The following RSPRY1 variants were observed in gnomAD, a reference collection of about 807,000 sequenced individuals.
RSPRY1 encodes RING finger and SPRY domain-containing protein 1.
RSPRY1 carries 23 observed loss-of-function variants against 73.1 expected under a neutral mutation model. The observed-to-expected ratio is 0.31, with a 90% CI of 0.23 to 0.45. The LOEUF is 0.45. Among genes scored for constraint, RSPRY1 ranks in the 20% least tolerant of loss-of-function variants. The pLI is 1.00. For missense variants in RSPRY1, 448 were observed against 698.7 expected (o/e 0.64, Z 4.05); for synonymous variants, 226 against 251.4 (o/e 0.90, Z 0.95).
chr16:57,232,657 T>A (rs1274944292), intron 13 of RSPRY1, among the ~76,000 whole-genome samples: 4 of 152,212 alleles, frequency 2.6e-5, no homozygotes, highest in African/African-American at 7.2e-5. Flanking sequence ...CTGGACATAG[T>A]TAAAATGCTT....
chr16:57,233,532 G>C (rs1449747655), intron 13 of RSPRY1, among the ~76,000 whole-genome samples: 1 of 152,050 alleles, frequency 6.6e-6, no homozygotes, highest in African/African-American at 2.4e-5. Flanking sequence ...AACACACCCA[G>C]CTAATTTTTG....
At chr16:57,196,048 T>TAC (rs2074441135) in intron 1 of RSPRY1, among the ~76,000 whole-genome samples, 1 of 148,386 alleles carries the variant, frequency 6.7e-6, no homozygotes, top group Non-Finnish European at 1.5e-5. Context: ...TATATATATA[T>TAC]ATATAGGTAT....
In RSPRY1 at chr16:57,238,903, G is replaced by A; in HGVS notation, c.1659G>A (p.Leu553=). Residue 553 remains leucine (L), a synonymous_variant, in exon 15 of 15, where the codon TTG becomes TTA. Transcript: ENST00000394420. The stretch of plus-strand genomic sequence containing the variant: ...GTGACCTGTGCATGGATTGTGCCTT[G>A]CAGCTGGAGACCTGCCCATTGTGTC... ...GHSDLCMDCA[L]QLETCPLCRK... 1.9e-6 allele frequency: 3 copies of A among 1,607,278 alleles called. No homozygotes were observed. The highest frequency in any genetic ancestry group is 1.3e-5 in the African/African-American group (1 of 74,664).
Position 57,221,368 on chromosome 16 carries a change from G to A in RSPRY1, c.1114G>A (p.Val372Ile), listed in dbSNP as rs766517538. Residue 372 changes from valine (V) to isoleucine (I), a missense_variant, in exon 10 of 15, where the codon GTC becomes ATC. Physicochemically the swap from Val to Ile is conservative, Grantham distance 29 (BLOSUM62 3). Coordinates refer to ENST00000394420, the MANE Select transcript of RSPRY1 (RefSeq NM_133368.3). ...YYEVTVVTSGVMQIGWATRDS... is the reference protein window; with the variant it reads ...YYEVTVVTSGIMQIGWATRDS... ...TGAAGTAACAGTGGTCACTTCTGGC[G>A]TCATGCAGATTGGCTGGGCCACTCG... 8 of 1,613,982 alleles carry A rather than the reference G, an allele frequency of 5.0e-6. No individual in the cohort carries two copies. Among genetic ancestry groups the A allele is most frequent in the African/African-American group, 1.3e-5 (1 of 74,906 alleles).
At chr16:57,234,551 T>G (rs1419569007) in intron 13 of RSPRY1, among the ~76,000 whole-genome samples, 1 of 152,234 alleles carries the variant, frequency 6.6e-6, no homozygotes, top group African/African-American at 2.4e-5. Context: ...GTAAGTGAAC[T>G]GAATACATGC....
chr16:57,193,243 G>A (rs548128025), intron 1 of RSPRY1, among the ~76,000 whole-genome samples: 33 of 152,200 alleles, frequency 2.2e-4, no homozygotes, highest in African/African-American at 7.7e-4. Flanking sequence ...CTTTCTTTTT[G>A]TGGGAAAAGT....
At chr16:57,226,424 C>T (rs921439693) in intron 10 of RSPRY1, among the ~76,000 whole-genome samples, 9 of 152,190 alleles carry the variant, frequency 5.9e-5, no homozygotes, top group African/African-American at 1.7e-4. Flanking sequence ...GGCTGCTCAA[C>T]TGAGTATACT....
chr16:57,203,398 G>A (rs2074662597), intron 1 of RSPRY1, among the ~76,000 whole-genome samples: 1 of 152,200 alleles, frequency 6.6e-6, no homozygotes, highest in Non-Finnish European at 1.5e-5. Context: ...CAGTGCTCAA[G>A]GTATGAGGAA....
At chr16:57,202,290 C>A (rs1173683741) in intron 1 of RSPRY1, among the ~76,000 whole-genome samples, 1 of 152,162 alleles carries the variant, frequency 6.6e-6, no homozygotes, top group Non-Finnish European at 1.5e-5. Flanking sequence ...AGGCCACTTC[C>A]AAGATGGCGG....
chr16:57,191,148 G>T (rs1256134159), intron 1 of RSPRY1, among the ~76,000 whole-genome samples: 2 of 152,098 alleles, frequency 1.3e-5, no homozygotes, highest in African/African-American at 4.8e-5. Context: ...TTAATGTTCA[G>T]TGTTAGTTTT....
intron 13 of RSPRY1, among the ~76,000 whole-genome samples, chr16:57,234,376 C>T (rs1474133314): frequency 2.0e-5 from 3 of 152,206 alleles, no homozygotes; most frequent in African/African-American, 7.2e-5. Context: ...TTTCCCTTTT[C>T]TTCATAGTAT....
At chr16:57,215,498 G>C (rs1231009010) in intron 6 of RSPRY1, among the ~76,000 whole-genome samples, 7 of 152,096 alleles carry the variant, frequency 4.6e-5, no homozygotes, top group African/African-American at 1.7e-4. Context: ...GCTATGAGAA[G>C]GTGTCATGTT....
intron 14 of RSPRY1, among the ~76,000 whole-genome samples, chr16:57,236,886 G>A (rs2075307836): frequency 6.6e-6 from 1 of 152,134 alleles, no homozygotes; most frequent in Non-Finnish European, 1.5e-5. Context: ...GAAATCTTAG[G>A]CTGGGCACGG....
At chr16:57,212,534 A>C (rs1288019828) in intron 4 of RSPRY1, among the ~76,000 whole-genome samples, 2 of 152,140 alleles carry the variant, frequency 1.3e-5, no homozygotes, top group Non-Finnish European at 2.9e-5. Flanking sequence ...GGTTGATCAG[A>C]TATTTCCCAT....
At position 57,200,953 on chromosome 16, in the gene RSPRY1, G is replaced by A. The variant is rs1211683931; in HGVS notation, c.-155-3551G>A. On this transcript the variant is annotated intron_variant, in intron 1 of 14. Transcript: ENST00000394420. Reference sequence around the variant, plus strand: ...CCCAGACGGGGCGGCTGGCCGGGGGGGGGGGGGGCTGACCCCCCCACCTCC... The same window carrying A: ...CCCAGACGGGGCGGCTGGCCGGGGGAGGGGGGGGCTGACCCCCCCACCTCC... 5.1e-5 allele frequency among the ~76,000 whole-genome samples: 7 copies of A among 137,414 alleles called. 1 individual carries two copies. The highest frequency in any genetic ancestry group is 1.1e-4 in the Non-Finnish European group (7 of 61,696). 90.1% of individuals were successfully genotyped at this position (137,414 alleles called of 152,430 possible).
At chr16:57,230,241 A>G (rs1252841951) in intron 11 of RSPRY1, among the ~76,000 whole-genome samples, 23 of 148,746 alleles carry the variant, frequency 1.5e-4, no homozygotes, top group Admixed American at 1.4e-3. Flanking sequence ...CAAACTCCTG[A>G]CCTCAGGTGA....
intron 2 of RSPRY1, chr16:57,205,242 C>T (rs540555687): frequency 3.7e-5 from 19 of 512,186 alleles, no homozygotes; most frequent in Non-Finnish European, 6.7e-5. Flanking sequence ...TAGCAGAAAA[C>T]ACGATAAAGC....
chr16:57,216,357 C>T, intron 7 of RSPRY1, 184 bp downstream of exon 7: 2 of 514,378 alleles, frequency 3.9e-6, no homozygotes, highest in Non-Finnish European at 6.9e-6. Flanking sequence ...GATTTTCTCA[C>T]CTAAGAATCA....
intron 1 of RSPRY1, among the ~76,000 whole-genome samples, chr16:57,190,853 T>C (rs145069099): frequency 2.8e-4 from 43 of 152,336 alleles, no homozygotes; most frequent in African/African-American, 1.0e-3. Flanking sequence ...GTAGTAACTT[T>C]AGATAAATGT....
Sources: gnomAD v4.1 joint callset for allele counts (sites outside exome capture counted in the v4.1 genomes callset) on GRCh38, gnomAD v4.1.1 for gene constraint, MANE v1.5 for transcripts, NCBI Gene and HGNC (gene_info 2026-07-23, HGNC 2026-07-21) for gene names.